ERMP1: variants seen among roughly 807,000 people sequenced by gnomAD.
ERMP1 encodes endoplasmic reticulum metallopeptidase 1.
ERMP1 carries 86 observed loss-of-function variants against 92.0 expected under a neutral mutation model. That is an observed-to-expected ratio of 0.93 (90% CI 0.79 to 1.12). ERMP1 has a LOEUF of 1.12. ERMP1 is among the 50% of genes most tolerant of loss of function. The pLI, the probability that ERMP1 is intolerant of heterozygous loss-of-function variation, is 0.00. For synonymous variants in ERMP1, 530 were observed against 412.8 expected, an observed-to-expected ratio of 1.28 and a Z score of -3.44; for missense variants, 1,342 against 1,116.3, an observed-to-expected ratio of 1.20 and a Z score of -2.88.
chr9:5,796,722 G>A (rs1366258769), intron 13 of ERMP1, among the ~76,000 whole-genome samples: 1 of 152,150 alleles, frequency 6.6e-6, no homozygotes, highest in Non-Finnish European at 1.5e-5. Flanking sequence ...AGGAGAGTGG[G>A]AAGAAAAGAG....
chr9:5,843,140 A>G (rs1287814822), intron 6 of ERMP1, among the ~76,000 whole-genome samples: 1 of 152,358 alleles, frequency 6.6e-6, no homozygotes, highest in East Asian at 1.9e-4. Flanking sequence ...TGGGCAGATA[A>G]GGTGATAGAA....
chr9:5,840,316 A>G (rs550161524), intron 6 of ERMP1, among the ~76,000 whole-genome samples: 4 of 152,232 alleles, frequency 2.6e-5, no homozygotes, highest in East Asian at 1.9e-4. Flanking sequence ...AGGGAGGGAG[A>G]GTCTACTGCA....
At chr9:5,851,572 G>A (rs1327098633) in intron 6 of ERMP1, among the ~76,000 whole-genome samples, 1 of 152,122 alleles carries the variant, frequency 6.6e-6, no homozygotes, top group Non-Finnish European at 1.5e-5. Flanking sequence ...GCTCTCCAAG[G>A]GGCAAGAGTC....
At chr9:5,851,041 C>CTG (rs1157720022) in intron 6 of ERMP1, among the ~76,000 whole-genome samples, 1 of 152,216 alleles carries the variant, frequency 6.6e-6, no homozygotes, top group African/African-American at 2.4e-5. Flanking sequence ...AGATCTCACA[C>CTG]TGTGTTCCCT....
At chr9:5,865,710 C>T (rs1305344449) in intron 5 of ERMP1, among the ~76,000 whole-genome samples, 2 of 149,146 alleles carry the variant, frequency 1.3e-5, no homozygotes, top group African/African-American at 4.9e-5. Flanking sequence ...TGGTGGTGCA[C>T]GCCTGTAATC....
At chr9:5,861,162 G>C (rs865924187) in intron 5 of ERMP1, among the ~76,000 whole-genome samples, 8 of 132,650 alleles carry the variant, frequency 6.0e-5, no homozygotes, top group African/African-American at 1.2e-4. Context: ...ACCCACAATG[G>C]CTTAGGGGGT....
chr9:5,801,129 C>G (rs753803798), intron 11 of ERMP1, 47 bp downstream of exon 11: 2 of 1,568,160 alleles, frequency 1.3e-6, no homozygotes, highest in African/African-American at 2.7e-5. Flanking sequence ...TCAAAACACA[C>G]AGGGCTTCCT....
chr9:5,797,647 CAAAAAA>C (rs58936639), intron 13 of ERMP1, among the ~76,000 whole-genome samples, 164 bp downstream of exon 13: 1 of 117,266 alleles, frequency 8.5e-6, no homozygotes. Flanking sequence ...GACTCCATCT[CAAAAAA>C]AAAAAAAAAA....
chr9:5,820,503 G>A (rs1296546308), intron 4 of ERMP1, among the ~76,000 whole-genome samples: 1 of 152,186 alleles, frequency 6.6e-6, no homozygotes, highest in African/African-American at 2.4e-5. Flanking sequence ...AAAAGATTCT[G>A]TGACCCTTTT....
At chr9:5,793,626 CAAAA>C (rs1828294919) in intron 13 of ERMP1, among the ~76,000 whole-genome samples, 1 of 151,960 alleles carries the variant, frequency 6.6e-6, no homozygotes, top group African/African-American at 2.4e-5. Flanking sequence ...TAACACTAAT[CAAAA>C]GAAAGTAGGA....
intron 4 of ERMP1, among the ~76,000 whole-genome samples, chr9:5,814,466 G>C (rs1829226122): frequency 6.6e-6 from 1 of 152,114 alleles, no homozygotes; most frequent in South Asian, 2.1e-4. Flanking sequence ...ACCAAGGCTG[G>C]GTGCAGTGGC....
intron 2 of ERMP1, among the ~76,000 whole-genome samples, chr9:5,826,857 G>T (rs1262335077): frequency 6.6e-6 from 1 of 152,154 alleles, no homozygotes; most frequent in Non-Finnish European, 1.5e-5. Flanking sequence ...ATACAGGGTT[G>T]ATTAAAAAGT....
chr9:5,816,992 G>A (rs967584384), intron 4 of ERMP1, among the ~76,000 whole-genome samples: 9 of 150,248 alleles, frequency 6.0e-5, no homozygotes, highest in East Asian at 5.9e-4. Flanking sequence ...TCTGCCTCCC[G>A]GGTTCACACC....
rs746957005 is a variant in ERMP1 at position 5,787,632 on chromosome 9, A to T, written c.2387-39T>A. 4.4e-6 allele frequency: 7 copies of T among 1,574,370 alleles called. No individual in the cohort carries two copies. In the African/African-American group the frequency reaches 6.9e-5, roughly 15 times the overall value. On this transcript the variant is annotated intron_variant, in intron 13 of 14. Transcript: ENST00000339450. ...GGAAGAAAGAACAGTTAATCTTTTT[A>T]AAAGGATCAAAAAAATAACCCACAA... is the stretch of plus-strand genomic sequence containing the variant.
chr9:5,820,989 GC>G (rs1438337102), intron 4 of ERMP1, among the ~76,000 whole-genome samples: 1 of 152,128 alleles, frequency 6.6e-6, no homozygotes, highest in Admixed American at 6.6e-5. Flanking sequence ...AAAATAATGA[GC>G]TCCAAAACCT....
chr9:5,835,346 A>G (rs1426250436), upstream of ERMP1, among the ~76,000 whole-genome samples: 1 of 130,606 alleles, frequency 7.7e-6, no homozygotes, highest in African/African-American at 2.6e-5. Context: ...CAAAGAGACA[A>G]TGAACGCGCG....
At chr9:5,800,770 TAA>T (rs1368513015) in intron 11 of ERMP1, among the ~76,000 whole-genome samples, 2 of 152,242 alleles carry the variant, frequency 1.3e-5, no homozygotes, top group African/African-American at 4.8e-5. Flanking sequence ...GAATGTTACT[TAA>T]GATTAATTTT....
At chr9:5,808,174 T>G (rs1216866036) in intron 8 of ERMP1, among the ~76,000 whole-genome samples, 1 of 152,190 alleles carries the variant, frequency 6.6e-6, no homozygotes, top group Non-Finnish European at 1.5e-5. Flanking sequence ...TTAAAGAATA[T>G]TTGTGAAAAG....
At chr9:5,800,739 T>G (rs993192534) in intron 11 of ERMP1, among the ~76,000 whole-genome samples, 3 of 152,196 alleles carry the variant, frequency 2.0e-5, no homozygotes, top group African/African-American at 7.2e-5. Context: ...AAGTTATAGT[T>G]TCACTATCAC....
Sources: allele counts gnomAD v4.1 joint callset (sites outside exome capture counted in the v4.1 genomes callset), GRCh38; gene constraint gnomAD v4.1.1; transcripts MANE v1.5; gene names NCBI Gene and HGNC (gene_info 2026-07-23, HGNC 2026-07-21).